Variants in GRM4 observed in about 807,000 individuals in gnomAD.
GRM4 encodes metabotropic glutamate receptor 4.
GRM4 carries 28 observed loss-of-function variants against 81.7 expected under a neutral mutation model. The observed-to-expected ratio is 0.34, with a 90% CI of 0.25 to 0.47. GRM4 has a LOEUF of 0.47. GRM4 is among the 20% of genes least tolerant of loss of function. The pLI is 1.00. For missense variants in GRM4, 948 were observed against 1,290.0 expected (o/e 0.73, Z 4.06); for synonymous variants, 488 against 528.8 (o/e 0.92, Z 1.06).
At chr6:34,040,793 TCCTC>T in intron 6 of GRM4, 45 bp from the exon 7 acceptor site, 1 of 1,507,166 alleles carries the variant, frequency 6.6e-7, no homozygotes, top group Non-Finnish European at 9.2e-7. Flanking sequence ...AGGCCCACTG[TCCTC>T]ACAGTGGTGT....
At chr6:34,066,964 T>A (rs116682591) in intron 3 of GRM4, among the ~76,000 whole-genome samples, 6 of 152,028 alleles carry the variant, frequency 3.9e-5, no homozygotes, top group African/African-American at 1.4e-4. Context: ...GGGGCTTCCA[T>A]AGGGAAGCTG....
In GRM4 at chr6:34,111,384, C is replaced by T. The variant is rs1014336374; in HGVS notation, c.520-19285G>A. 3.5e-5 allele frequency among the ~76,000 whole-genome samples: 5 copies of T among 143,998 alleles called. No individual in the cohort carries two copies. The highest frequency in any genetic ancestry group is 1.3e-4 in the African/African-American group (5 of 37,518). The allele number at this position is 143,998 out of a possible 152,430, so 94.5% of individuals were successfully genotyped here. A position where few individuals can be genotyped will look rare whatever the true frequency, so the allele number is the denominator to read the frequency against. On this transcript the variant is annotated intron_variant, in intron 2 of 10. Transcript: ENST00000538487. The surrounding 1 kb of genome is among the most constrained non-coding windows in gnomAD (Gnocchi z 5.1). Reference sequence around the variant, plus strand: ...GCCTCTTGGTGGTAAGTACAACCAACCGTGCACACACACACACACACACAC... The same window carrying T: ...GCCTCTTGGTGGTAAGTACAACCAATCGTGCACACACACACACACACACAC...
chr6:34,117,096 A>G (rs1769630852), intron 2 of GRM4, among the ~76,000 whole-genome samples: 1 of 152,258 alleles, frequency 6.6e-6, no homozygotes, highest in Non-Finnish European at 1.5e-5. Flanking sequence ...ATGCATTTAT[A>G]AAAGTTCAAC....
intron 6 of GRM4, among the ~76,000 whole-genome samples, chr6:34,046,420 C>G (rs149357523): frequency 2.0e-5 from 3 of 152,168 alleles, no homozygotes; most frequent in Admixed American, 2.0e-4. Context: ...CAAGCAGATG[C>G]TGAGGAGGAG....
intron 3 of GRM4, among the ~76,000 whole-genome samples, chr6:34,082,065 CG>C (rs1767629098): frequency 6.7e-5 from 2 of 30,006 alleles, no homozygotes; most frequent in African/African-American, 8.1e-4. Flanking sequence ...TGGGAGCCTG[CG>C]GGACAGATCC....
At chr6:34,073,250 ATCACCACATAGATACCACG>A (rs1767103386) in intron 3 of GRM4, among the ~76,000 whole-genome samples, 1 of 73,736 alleles carries the variant, frequency 1.4e-5, no homozygotes, top group Non-Finnish European at 2.6e-5. Flanking sequence ...ACACACACAC[ATCACCACATAGATACCACG>A]TCACCACACA....
intron 2 of GRM4, among the ~76,000 whole-genome samples, chr6:34,116,607 G>A (rs1249831903): frequency 6.6e-6 from 1 of 152,140 alleles, no homozygotes; most frequent in African/African-American, 2.4e-5. Context: ...ATGATTGGCA[G>A]CACCTCCTAA....
At position 34,036,210 on chromosome 6, in the gene GRM4, AGATGCCTGC is replaced by A; in HGVS notation, c.1891_1899del (p.Ala631_Ile633del). ...AGGAAGGTGGTGGCATAGCACAGGA[AGATGCCTGC>A]CAGCAGCACGTAGCTCAGTTCACGG... On this transcript the variant is annotated inframe_deletion, in exon 9 of 11. Transcript: ENST00000538487. This position sits in a 1 kb window ranked among gnomAD's most constrained non-coding sequence, Gnocchi z 9.0. The A allele has an allele frequency of 6.2e-7, 1 of 1,614,164 alleles. No homozygotes were observed. Among genetic ancestry groups the A allele is most frequent in the Non-Finnish European group, 8.5e-7 (1 of 1,179,988 alleles).
intron 2 of GRM4, chr6:34,103,933 T>C (rs1188872822): frequency 2.7e-6 from 3 of 1,120,798 alleles, no homozygotes; most frequent in East Asian, 3.4e-5. Context: ...GAGCCAGCCA[T>C]GCACCTCTCT....
chr6:34,044,597 C>T lies in GRM4; in HGVS notation c.1169-3849G>A, dbSNP rs541707728. Among the ~76,000 whole-genome samples the T allele has an allele frequency of 1.5e-3, 219 of 150,510 alleles. 1 individual carries two copies. The highest frequency in any genetic ancestry group is 3.5e-3 in the Middle Eastern group (1 of 288). Reference sequence around the variant, plus strand: ...ACATATATACACAGACACAGACACACACATAGACATACATACATACACATA... The same window carrying T: ...ACATATATACACAGACACAGACACATACATAGACATACATACATACACATA... On this transcript the variant is annotated intron_variant, in intron 6 of 10. Transcript: ENST00000538487.
In GRM4 at chr6:34,115,786, G is replaced by A. The variant is rs149654992; in HGVS notation, c.519+17192C>T. Among the ~76,000 whole-genome samples, 145 of 152,284 alleles carry A rather than the reference G, an allele frequency of 9.5e-4. 1 individual carries two copies. The East Asian group carries it at 0.024, about 26-fold the overall frequency. On this transcript the variant is annotated intron_variant, in intron 2 of 10. Transcript: ENST00000538487. This position sits in a 1 kb window ranked among gnomAD's most constrained non-coding sequence, Gnocchi z 4.1. ...CACCCCAGCTCTTCAGGCTCCAGGA[G>A]AAACTGCGGACACATCACACCTCCC...
At chr6:34,113,132 T>C (rs1769453653) in intron 2 of GRM4, among the ~76,000 whole-genome samples, 1 of 151,408 alleles carries the variant, frequency 6.6e-6, no homozygotes, top group Non-Finnish European at 1.5e-5. Flanking sequence ...CCTCCTTCCC[T>C]TCCCTTCCCT....
At chr6:34,110,309 C>CAA (rs3041237) in intron 2 of GRM4, among the ~76,000 whole-genome samples, 40,296 of 78,402 alleles carry the variant, frequency 0.51, 9,938 homozygotes, top group Admixed American at 0.56. Context: ...CAACACCCAC[C>CAA]AAAAAAAAAA....
chr6:34,080,847 T>C lies in GRM4; in HGVS notation c.736+11036A>G, dbSNP rs1123525. 1.4e-4 allele frequency among the ~76,000 whole-genome samples: 19 copies of C among 138,392 alleles called. No homozygotes were observed. Among genetic ancestry groups the C allele is most frequent in the South Asian group, 2.3e-4 (1 of 4,382 alleles). The allele number at this position is 138,392 out of a possible 152,430, so 90.8% of individuals were successfully genotyped here. On this transcript the variant is annotated intron_variant, in intron 3 of 10. Coordinates refer to ENST00000538487, the MANE Select transcript of GRM4 (RefSeq NM_000841.4). This position sits in a 1 kb window ranked among gnomAD's most constrained non-coding sequence, Gnocchi z 5.4. The stretch of plus-strand genomic sequence containing the variant: ...TCTCTCTCTCACACACACACACACA[T>C]ACACACACACATACACATACATATA...
intron 1 of GRM4, among the ~76,000 whole-genome samples, chr6:34,135,229 T>C (rs991460146): frequency 6.6e-6 from 1 of 152,118 alleles, no homozygotes; most frequent in African/African-American, 2.4e-5. Context: ...CCCTGACTGC[T>C]CCAGTTCTGG....
intron 2 of GRM4, among the ~76,000 whole-genome samples, chr6:34,116,567 G>T (rs1359109623): frequency 6.6e-6 from 1 of 152,168 alleles, no homozygotes; most frequent in Non-Finnish European, 1.5e-5. Flanking sequence ...GCAAAGAAAG[G>T]TGGCAAGAAG....
chr6:34,037,942 C>T (rs1016528549), intron 8 of GRM4, among the ~76,000 whole-genome samples: 1 of 151,504 alleles, frequency 6.6e-6, no homozygotes, highest in Non-Finnish European at 1.5e-5. Flanking sequence ...AGGAAGAAAA[C>T]CTCAAGGTAG....
chr6:34,027,093 A>G (rs1764168743), intron 10 of GRM4, among the ~76,000 whole-genome samples: 1 of 152,128 alleles, frequency 6.6e-6, no homozygotes, highest in African/African-American at 2.4e-5. Context: ...GGGGGCCAGC[A>G]TGGCACCCGA....
chr6:34,041,138 C>T lies in GRM4; in HGVS notation c.1169-390G>A, dbSNP rs544916441. 1.2e-3 allele frequency among the ~76,000 whole-genome samples: 177 copies of T among 152,288 alleles called. 1 individual carries two copies. The highest frequency in any genetic ancestry group is 3.8e-3 in the African/African-American group (159 of 41,556). ...CCTGGGATAATCTTGAGAGCAGCTGCCCCTCTCGAAGTCTGGGAAACAGCC... is the reference window on the plus strand; with the variant it reads ...CCTGGGATAATCTTGAGAGCAGCTGTCCCTCTCGAAGTCTGGGAAACAGCC... On this transcript the variant is annotated intron_variant, in intron 6 of 10. Coordinates refer to ENST00000538487, the MANE Select transcript of GRM4 (RefSeq NM_000841.4).
Sources: gnomAD v4.1 joint callset for allele counts (sites outside exome capture counted in the v4.1 genomes callset) on GRCh38, gnomAD v4.1.1 for gene constraint, Gnocchi (gnomAD v3.1) non-coding constraint, MANE v1.5 for transcripts, NCBI Gene and HGNC (gene_info 2026-07-23, HGNC 2026-07-21) for gene names.